ANKRD36B: variants seen among roughly 807,000 people sequenced by gnomAD.
The protein encoded by ANKRD36B is ankyrin repeat domain 36B.
A neutral mutation model predicts 135.7 loss-of-function variants in ANKRD36B; 37 were observed. That is an observed-to-expected ratio of 0.27 (90% CI 0.21 to 0.36). The LOEUF (loss-of-function observed/expected upper bound fraction) is 0.36, where lower values mean the gene tolerates loss of function less well. Among genes scored for constraint, ANKRD36B ranks in the 10% least tolerant of loss-of-function variants. The pLI is 1.00. For synonymous variants in ANKRD36B, 179 were observed against 348.1 expected, an observed-to-expected ratio of 0.51 and a Z score of 5.41; for missense variants, 549 against 1,037.1, an observed-to-expected ratio of 0.53 and a Z score of 6.46.
chr2:97,560,559 A>T (rs1232560384), intron 8 of ANKRD36B, 106 bp downstream of exon 8: 8 of 1,501,248 alleles, frequency 5.3e-6, no homozygotes, highest in Non-Finnish European at 7.2e-6. Context: ...AGGTGTACTG[A>T]ATCAGAACGT....
chr2:97,548,467 T>A (rs2079708179), intron 20 of ANKRD36B, among the ~76,000 whole-genome samples: 1 of 151,928 alleles, frequency 6.6e-6, no homozygotes, highest in Non-Finnish European at 1.5e-5. Context: ...AAAGTAAAAC[T>A]GCTACAAGCA....
rs1453817441 is a variant in ANKRD36B, at chr2:97,537,139, A to C, written c.2090-643T>G. ...AGTTTAGCCTTCAGAAAGTTTCTTC[A>C]TCCACTAATGGCAAGAAGGTCTAAT... On this transcript the variant is annotated intron_variant, in intron 32 of 43. Coordinates refer to ENST00000359901, the MANE Select transcript of ANKRD36B (RefSeq NM_001393939.1). Among the ~76,000 whole-genome samples the C allele has an allele frequency of 2.1e-5, 2 of 96,328 alleles. 1 individual carries two copies. The highest frequency in any genetic ancestry group is 1.9e-4 in the Admixed American group (2 of 10,752). 63.2% of individuals were successfully genotyped at this position (96,328 alleles called of 152,430 possible).
intron 21 of ANKRD36B, 28 bp from the exon 22 acceptor site, chr2:97,547,636 A>T: frequency 6.4e-7 from 1 of 1,558,726 alleles, no homozygotes; most frequent in Non-Finnish European, 8.7e-7. Flanking sequence ...TGAAATAATA[A>T]ATTAATAAAG....
At chr2:97,565,792 G>A (rs898307698) in intron 6 of ANKRD36B, among the ~76,000 whole-genome samples, 2 of 152,054 alleles carry the variant, frequency 1.3e-5, no homozygotes, top group African/African-American at 4.8e-5. Flanking sequence ...AAGACAGTGT[G>A]GTGATTCCTC....
At chr2:97,554,157 A>G (rs1012291961) in intron 14 of ANKRD36B, among the ~76,000 whole-genome samples, 1 of 151,844 alleles carries the variant, frequency 6.6e-6, no homozygotes, top group Non-Finnish European at 1.5e-5. Flanking sequence ...TTTGGAAATC[A>G]CTCCAATATT....
rs1446825059 is a variant in ANKRD36B, at chr2:97,529,290, C to G, written c.2265+3021G>C. Among the ~76,000 whole-genome samples, 8 of 95,362 alleles carry G rather than the reference C, an allele frequency of 8.4e-5. 4 individuals are homozygous for G. Among genetic ancestry groups the G allele is most frequent in the Non-Finnish European group, 2.2e-4 (8 of 35,996 alleles). The allele number at this position is 95,362 out of a possible 152,430, so 62.6% of individuals were successfully genotyped here. ...ATGTAATCCAGCTTATAAACAGAAC[C>G]AAAGACAAAAACCACATGATTATCT... On this transcript the variant is annotated intron_variant, in intron 35 of 43. Coordinates refer to ENST00000359901, the MANE Select transcript of ANKRD36B (RefSeq NM_001393939.1).
intron 32 of ANKRD36B, among the ~76,000 whole-genome samples, chr2:97,536,817 C>A (rs2078912841): frequency 1.0e-5 from 1 of 96,258 alleles, no homozygotes; most frequent in Admixed American, 9.2e-5. Context: ...AAGTCATAAC[C>A]CTAGAAATAA....
At chr2:97,555,473 T>C (rs2080432330) in intron 12 of ANKRD36B, among the ~76,000 whole-genome samples, 1 of 151,904 alleles carries the variant, frequency 6.6e-6, no homozygotes, top group African/African-American at 2.4e-5. Context: ...GGTATGATTT[T>C]TCATATGTCT....
chr2:97,585,022 G>A lies in ANKRD36B; in HGVS notation c.372C>T (p.His124=). 6.2e-7 allele frequency: 1 copy of A among 1,611,082 alleles called. No homozygotes were observed. The part of the protein sequence containing the change: ...ITDVFGRTAL[H]YAVYNEDTSM... ...ATGTATCTTCATTATACACAGCGTA[G>A]TGCAGAGCAGTCCTTCCAAAGACAT... Residue 124 remains histidine, a synonymous_variant, in exon 3 of 44, where the codon CAC becomes CAT. Transcript: ENST00000359901.
At chr2:97,545,498 C>G (rs2079373394) in intron 24 of ANKRD36B, among the ~76,000 whole-genome samples, 168 bp downstream of exon 24, 1 of 95,616 alleles carries the variant, frequency 1.0e-5, no homozygotes, top group South Asian at 2.4e-4. Flanking sequence ...TCAGCATGGA[C>G]AAGGACCACA....
At chr2:97,555,748 C>T (rs1477053896) in intron 12 of ANKRD36B, among the ~76,000 whole-genome samples, 1 of 151,888 alleles carries the variant, frequency 6.6e-6, no homozygotes, top group Non-Finnish European at 1.5e-5. Flanking sequence ...CTTCACGTCT[C>T]TTAAGTGGAA....
At chr2:97,579,622 T>C (rs2082457313) in intron 4 of ANKRD36B, among the ~76,000 whole-genome samples, 1 of 129,748 alleles carries the variant, frequency 7.7e-6, no homozygotes, top group Non-Finnish European at 1.7e-5. Flanking sequence ...ATATTATATA[T>C]AATCTATAAA....
intron 6 of ANKRD36B, among the ~76,000 whole-genome samples, chr2:97,571,615 C>T (rs1178838800): frequency 6.6e-6 from 1 of 152,076 alleles, no homozygotes; most frequent in Admixed American, 6.5e-5. Flanking sequence ...CACTGCACTC[C>T]AGCCTGGGCA....
chr2:97,494,163 G>A (rs1335664755), intron 43 of ANKRD36B, among the ~76,000 whole-genome samples: 1 of 103,796 alleles, frequency 9.6e-6, no homozygotes, highest in Non-Finnish European at 2.7e-5. Flanking sequence ...TAGCAACACA[G>A]AATAACACAG....
chr2:97,579,065 T>C lies in ANKRD36B; in HGVS notation c.558-22A>G, dbSNP rs1486994000. On this transcript the variant is annotated intron_variant, in intron 4 of 43. Coordinates refer to ENST00000359901, the MANE Select transcript of ANKRD36B (RefSeq NM_001393939.1). ...TGATCTAAAATAACAGAGAGGTAAT[T>C]AAAAACTTTAATGACATTTTAAAAG... 4 of 1,570,902 alleles carry C rather than the reference T, an allele frequency of 2.5e-6. No homozygotes were observed. The African/African-American group carries it at 5.4e-5, about 21-fold the overall frequency.
chr2:97,558,833 G>A lies in ANKRD36B; in HGVS notation c.933C>T (p.Ala311=). Residue 311 remains alanine, a synonymous_variant, in exon 10 of 44, where the codon GCC becomes GCT. Transcript: ENST00000359901. ...SDEKDSVSNI[A]TEIKEGQQSG... ...ATTGTTGTCCCTCCTTTATTTCTGT[G>A]GCTATATTTGAAACAGAATCTTTCT... is the stretch of plus-strand genomic sequence containing the variant. 1 of 1,611,422 alleles carries A rather than the reference G, an allele frequency of 6.2e-7. No homozygotes were observed. Among genetic ancestry groups the A allele is most frequent in the Non-Finnish European group, 8.5e-7 (1 of 1,178,732 alleles).
At position 97,532,642 on chromosome 2, in the gene ANKRD36B, C is replaced by G. The variant is rs1410875305; in HGVS notation, c.2192-258G>C. 2.2e-5 allele frequency among the ~76,000 whole-genome samples: 2 copies of G among 91,940 alleles called. 1 individual carries two copies. The highest frequency in any genetic ancestry group is 6.5e-5 in the African/African-American group (2 of 30,580). 60.3% of individuals were successfully genotyped at this position (91,940 alleles called of 152,430 possible). A position where few individuals can be genotyped will look rare whatever the true frequency, so the allele number is the denominator to read the frequency against. ...GGAGGCTGGGGCAGGAGAATGGCGT[C>G]AGCCCGGGAGGTGGAGCTTGCAGTG... On this transcript the variant is annotated intron_variant, in intron 34 of 43. Coordinates refer to ENST00000359901, the MANE Select transcript of ANKRD36B (RefSeq NM_001393939.1).
intron 1 of ANKRD36B, among the ~76,000 whole-genome samples, chr2:97,588,481 T>C (rs1038500214): frequency 3.3e-5 from 5 of 152,092 alleles, no homozygotes; most frequent in African/African-American, 1.2e-4. Flanking sequence ...GTAAATAACT[T>C]GTGGAAATTA....
chr2:97,574,650 C>T (rs1351031845), intron 6 of ANKRD36B, among the ~76,000 whole-genome samples: 1 of 152,098 alleles, frequency 6.6e-6, no homozygotes, highest in African/African-American at 2.4e-5. Flanking sequence ...GTTATGATTC[C>T]ATGTTGGAGA....
Sources: allele counts gnomAD v4.1 joint callset (sites outside exome capture counted in the v4.1 genomes callset), GRCh38; gene constraint gnomAD v4.1.1; transcripts MANE v1.5; gene names NCBI Gene and HGNC (gene_info 2026-07-23, HGNC 2026-07-21).